COMMD1: variants seen among roughly 807,000 people sequenced by gnomAD.
COMMD1 encodes the protein copper metabolism domain containing 1.
In COMMD1, 10 loss-of-function variants were observed where a neutral mutation model predicts 17.2. The observed-to-expected ratio is 0.58, with a 90% CI of 0.36 to 0.99. The LOEUF (loss-of-function observed/expected upper bound fraction) is 0.99, where lower values mean the gene tolerates loss of function less well. Among genes scored for constraint, COMMD1 ranks in the 50% least tolerant of loss-of-function variants. The probability of loss-of-function intolerance (pLI) is 0.01; values close to 1 mark genes in which losing one functional copy is unlikely to be tolerated. For synonymous variants in COMMD1, 97 were observed against 91.6 expected (o/e 1.06, Z -0.34); for missense variants, 270 against 231.8 (o/e 1.17, Z -1.07).
chr2:61,998,645 G>A (rs531848329), intron 1 of COMMD1, among the ~76,000 whole-genome samples: 3 of 152,254 alleles, frequency 2.0e-5, no homozygotes, highest in East Asian at 1.9e-4. Flanking sequence ...TTCACAACTT[G>A]GCTAGCTGTC....
intron 1 of COMMD1, among the ~76,000 whole-genome samples, chr2:61,976,030 C>G (rs1390141031): frequency 6.6e-6 from 1 of 152,062 alleles, no homozygotes; most frequent in Non-Finnish European, 1.5e-5. Flanking sequence ...CCTACTGGAT[C>G]TGTCAGTTAC....
chr2:61,959,605 A>G (rs1671286982), intron 1 of COMMD1, among the ~76,000 whole-genome samples: 1 of 152,244 alleles, frequency 6.6e-6, no homozygotes. Context: ...CATCTTGTTC[A>G]TAAAAGCTCT....
chr2:62,133,425 C>T (rs1673099141), intron 2 of COMMD1, among the ~76,000 whole-genome samples: 1 of 151,984 alleles, frequency 6.6e-6, no homozygotes, highest in African/African-American at 2.4e-5. Flanking sequence ...AAGTTTTTCT[C>T]TGCCTTCTTA....
intron 1 of COMMD1, among the ~76,000 whole-genome samples, chr2:61,985,329 C>T (rs1338742506): frequency 6.6e-6 from 1 of 152,204 alleles, no homozygotes; most frequent in South Asian, 2.1e-4. Context: ...GGATTACAGG[C>T]ATGAGCCACC....
chr2:62,005,470 G>A (rs892630816), intron 2 of COMMD1, among the ~76,000 whole-genome samples: 16 of 152,066 alleles, frequency 1.1e-4, no homozygotes, highest in African/African-American at 3.6e-4. Flanking sequence ...CTAATATCCA[G>A]AATCTACAAT....
intron 2 of COMMD1, chr2:62,079,878 G>A (rs1362422369): frequency 6.6e-6 from 1 of 152,124 alleles, no homozygotes; most frequent in African/African-American, 2.4e-5. Flanking sequence ...GTATAATAAG[G>A]CTTTTATGTA....
chr2:62,100,605 T>C (rs981720530), intron 2 of COMMD1, among the ~76,000 whole-genome samples: 5 of 152,192 alleles, frequency 3.3e-5, no homozygotes, highest in African/African-American at 1.2e-4. Context: ...TAGGTAAATT[T>C]AAACATTTTC....
intron 2 of COMMD1, among the ~76,000 whole-genome samples, chr2:62,041,839 C>T (rs1331402721): frequency 6.6e-6 from 1 of 152,194 alleles, no homozygotes; most frequent in Non-Finnish European, 1.5e-5. Context: ...CTTCAGGAGT[C>T]AAGCTGCAGA....
At chr2:61,997,540 C>CT (rs1397572294) in intron 1 of COMMD1, among the ~76,000 whole-genome samples, 1 of 152,122 alleles carries the variant, frequency 6.6e-6, no homozygotes, top group East Asian at 1.9e-4. Flanking sequence ...TGAAAGGAAT[C>CT]TTTTTTCTGA....
chr2:62,098,147 T>C (rs1334904521), intron 2 of COMMD1, among the ~76,000 whole-genome samples: 1 of 150,998 alleles, frequency 6.6e-6, no homozygotes, highest in Non-Finnish European at 1.5e-5. Flanking sequence ...AGAGACTGTT[T>C]CCTTTCCTTT....
intron 1 of COMMD1, among the ~76,000 whole-genome samples, chr2:61,959,360 G>C (rs1302499406): frequency 6.6e-6 from 1 of 152,164 alleles, no homozygotes; most frequent in African/African-American, 2.4e-5. Context: ...AGTATATATA[G>C]CTATGAATAC....
At chr2:62,037,020 G>A (rs1254175226) in intron 2 of COMMD1, among the ~76,000 whole-genome samples, 1 of 152,162 alleles carries the variant, frequency 6.6e-6, no homozygotes. Context: ...TATAAATCAG[G>A]TATTATCACC....
chr2:61,936,366 T>C (rs1221620495), intron 1 of COMMD1, among the ~76,000 whole-genome samples: 1 of 152,196 alleles, frequency 6.6e-6, no homozygotes, highest in Non-Finnish European at 1.5e-5. Context: ...ATTGTGAGCC[T>C]TCAGGGAAGC....
At chr2:61,925,813 C>T (rs1670315181) in intron 1 of COMMD1, among the ~76,000 whole-genome samples, 1 of 152,124 alleles carries the variant, frequency 6.6e-6, no homozygotes. Flanking sequence ...TAAAATCTTG[C>T]TGTGTGGTAA....
At chr2:62,013,237 A>G (rs556862815) in intron 2 of COMMD1, among the ~76,000 whole-genome samples, 5 of 150,906 alleles carry the variant, frequency 3.3e-5, no homozygotes, top group African/African-American at 5.0e-5. Context: ...ATGTGATGTT[A>G]ATTAGGTAAA....
chr2:61,910,777 T>C (rs907954134), intron 1 of COMMD1, among the ~76,000 whole-genome samples: 2 of 152,122 alleles, frequency 1.3e-5, no homozygotes, highest in African/African-American at 4.8e-5. Flanking sequence ...TATTTCCTCA[T>C]TGGAATTTTA....
Position 62,046,336 on chromosome 2 carries a change from T to A in COMMD1, c.462+45354T>A, listed in dbSNP as rs541839186. 2.6e-5 allele frequency among the ~76,000 whole-genome samples: 4 copies of A among 152,374 alleles called. No individual in the cohort carries two copies. The South Asian group carries it at 8.3e-4, about 32-fold the overall frequency. On this transcript the variant is annotated intron_variant, in intron 2 of 2. Transcript: ENST00000311832. ...TCTGGCTATGGATAAGACAGGTGTT[T>A]GTATGTGTAATTCTGACCAATAAAA...
At chr2:62,053,400 C>G (rs558663018) in intron 2 of COMMD1, among the ~76,000 whole-genome samples, 1 of 151,868 alleles carries the variant, frequency 6.6e-6, no homozygotes, top group Admixed American at 6.6e-5. Context: ...AAAAATAGGG[C>G]AATACTTCCA....
At chr2:61,940,934 C>T (rs13420814) in intron 1 of COMMD1, among the ~76,000 whole-genome samples, 16,719 of 151,866 alleles carry the variant, frequency 0.11, 2,154 homozygotes, top group African/African-American at 0.31. Context: ...GTGATCCGCC[C>T]GCCTCGGCCT....
Sources: gnomAD v4.1 joint callset for allele counts (sites outside exome capture counted in the v4.1 genomes callset) on GRCh38, gnomAD v4.1.1 for gene constraint, MANE v1.5 for transcripts, NCBI Gene and HGNC (gene_info 2026-07-23, HGNC 2026-07-21) for gene names.